Variants in ULK4 observed in about 807,000 individuals in gnomAD.
ULK4 encodes unc-51 like kinase 4.
Under a neutral mutation model 160.6 loss-of-function variants are expected in ULK4, and 133 were observed. That is an observed-to-expected ratio of 0.83 (90% CI 0.72 to 0.96). The LOEUF (loss-of-function observed/expected upper bound fraction) is 0.96. Ranked by LOEUF, ULK4 falls within the 40% of genes least tolerant of loss-of-function variation. The pLI is 0.00. For missense variants in ULK4, 1,580 were observed against 1,499.5 expected (o/e 1.05, Z -0.89); for synonymous variants, 534 against 539.8 (o/e 0.99, Z 0.15).
At chr3:41,945,263 ATGGATGCCT>A (rs1700079588) in intron 2 of ULK4, among the ~76,000 whole-genome samples, 1 of 114,378 alleles carries the variant, frequency 8.7e-6, no homozygotes, top group Admixed American at 8.5e-5. Flanking sequence ...CGGCAAATGG[ATGGATGCCT>A]TGGGGCCTTT....
intron 31 of ULK4, among the ~76,000 whole-genome samples, chr3:41,586,107 A>G (rs966756502): frequency 3.9e-5 from 6 of 152,178 alleles, no homozygotes; most frequent in Non-Finnish European, 7.4e-5. Flanking sequence ...CAAAACATTT[A>G]AAGTAAAGTT....
At chr3:41,559,027 TA>T (rs1286508294) in intron 32 of ULK4, among the ~76,000 whole-genome samples, 2 of 118,902 alleles carry the variant, frequency 1.7e-5, no homozygotes, top group Admixed American at 9.0e-5. Flanking sequence ...CCCTCCCCCC[TA>T]CCCCCACCCC....
intron 29 of ULK4, among the ~76,000 whole-genome samples, chr3:41,666,725 G>A (rs1416366017): frequency 1.3e-5 from 2 of 152,152 alleles, no homozygotes; most frequent in African/African-American, 2.4e-5. Flanking sequence ...TCACATGCTT[G>A]TGTGGAAATC....
chr3:41,469,616 A>AAAAAC (rs2125885043), intron 32 of ULK4, among the ~76,000 whole-genome samples: 1 of 148,206 alleles, frequency 6.7e-6, no homozygotes, highest in African/African-American at 2.5e-5. Context: ...AAAAAAAAAA[A>AAAAAC]AAAAAAAAAA....
intron 35 of ULK4, among the ~76,000 whole-genome samples, chr3:41,282,125 C>T (rs1302646094): frequency 6.6e-6 from 1 of 152,108 alleles, no homozygotes; most frequent in Non-Finnish European, 1.5e-5. Flanking sequence ...AGGAGAACTA[C>T]AAACCACTGC....
At chr3:41,695,311 T>C (rs561292682) in intron 27 of ULK4, among the ~76,000 whole-genome samples, 2 of 152,216 alleles carry the variant, frequency 1.3e-5, no homozygotes, top group South Asian at 4.1e-4. Context: ...TAACTGTTTC[T>C]TGGAAGGGCT....
chr3:41,872,998 C>T (rs1238960875), intron 17 of ULK4, among the ~76,000 whole-genome samples: 2 of 151,954 alleles, frequency 1.3e-5, no homozygotes. Flanking sequence ...ACTAAAAATA[C>T]AAAAATAAGC....
chr3:41,723,503 A>C (rs901333257), intron 22 of ULK4, among the ~76,000 whole-genome samples: 5 of 152,160 alleles, frequency 3.3e-5, no homozygotes. Context: ...TTGTTTTTCC[A>C]AGTGGACGAG....
chr3:41,445,256 C>G (rs1398912661), intron 34 of ULK4, among the ~76,000 whole-genome samples: 7 of 152,158 alleles, frequency 4.6e-5, no homozygotes, highest in African/African-American at 1.2e-4. Context: ...ATTCCATGCT[C>G]ATGGGTAGGA....
intron 20 of ULK4, among the ~76,000 whole-genome samples, chr3:41,794,660 CAAAAAA>C (rs71075484): frequency 0.05 from 949 of 18,912 alleles, 14 homozygotes; most frequent in African/African-American, 0.16. Flanking sequence ...GACTCTGTCT[CAAAAAA>C]AAAAAAAAAA....
intron 22 of ULK4, among the ~76,000 whole-genome samples, chr3:41,733,181 CAG>C (rs1375428508): frequency 6.6e-6 from 1 of 152,080 alleles, no homozygotes; most frequent in Non-Finnish European, 1.5e-5. Flanking sequence ...GATCATTACA[CAG>C]TGTATACACA....
intron 27 of ULK4, among the ~76,000 whole-genome samples, chr3:41,689,300 CTTT>C (rs2036204127): frequency 6.6e-6 from 1 of 152,150 alleles, no homozygotes; most frequent in Non-Finnish European, 1.5e-5. Context: ...AATATAGCCC[CTTT>C]TTAATAATTA....
intron 35 of ULK4, among the ~76,000 whole-genome samples, chr3:41,272,570 T>A (rs1031740203): frequency 6.7e-6 from 1 of 148,962 alleles, no homozygotes; most frequent in Non-Finnish European, 1.5e-5. Flanking sequence ...TTGATCATGA[T>A]ATACCTTGGT....
chr3:41,609,226 T>C (rs904438325), intron 31 of ULK4, among the ~76,000 whole-genome samples: 1 of 152,226 alleles, frequency 6.6e-6, no homozygotes, highest in Non-Finnish European at 1.5e-5. Flanking sequence ...AAATTAGTTA[T>C]GCTTTATTTA....
intron 17 of ULK4, among the ~76,000 whole-genome samples, chr3:41,860,124 T>G (rs2042466288): frequency 6.6e-6 from 1 of 152,236 alleles, no homozygotes; most frequent in African/African-American, 2.4e-5. Context: ...TTTTTGAATT[T>G]TTTAAGACTT....
At chr3:41,441,302 C>G (rs556114432) in intron 34 of ULK4, among the ~76,000 whole-genome samples, 6 of 151,972 alleles carry the variant, frequency 3.9e-5, no homozygotes, top group Admixed American at 6.6e-5. Context: ...TCTCCCTCCC[C>G]CTAAGTACTG....
chr3:41,484,601 C>A (rs192955585), intron 32 of ULK4, among the ~76,000 whole-genome samples: 6 of 151,814 alleles, frequency 4.0e-5, no homozygotes, highest in Non-Finnish European at 8.8e-5. Context: ...TACAGGCGCC[C>A]GCCACCACAC....
chr3:41,258,424 G>A (rs930957392), intron 35 of ULK4: 2 of 152,162 alleles, frequency 1.3e-5, no homozygotes, highest in African/African-American at 4.8e-5. Context: ...GATTACAGAC[G>A]TCAAGAGGGA....
At chr3:41,736,253 T>C (rs1373152314) in intron 22 of ULK4, among the ~76,000 whole-genome samples, 1 of 151,770 alleles carries the variant, frequency 6.6e-6, no homozygotes. Flanking sequence ...TCTAGATCAC[T>C]GAGGAATCGC....
Sources: allele counts gnomAD v4.1 joint callset (sites outside exome capture counted in the v4.1 genomes callset), GRCh38; gene constraint gnomAD v4.1.1; transcripts MANE v1.5; gene names NCBI Gene and HGNC (gene_info 2026-07-23, HGNC 2026-07-21).